The following PCDH12 variants were observed in gnomAD, a reference collection of about 807,000 sequenced individuals.
The protein encoded by PCDH12 is protocadherin-12.
In PCDH12, 45 loss-of-function variants were observed where a neutral mutation model predicts 70.9. That is an observed-to-expected ratio of 0.63 (90% CI 0.50 to 0.81). PCDH12 has a LOEUF of 0.81. Among genes scored for constraint, PCDH12 ranks in the 40% least tolerant of loss-of-function variants. The probability of loss-of-function intolerance (pLI) is 0.00; values close to 1 mark genes in which losing one functional copy is unlikely to be tolerated. For synonymous variants in PCDH12, 567 were observed against 626.0 expected (o/e 0.91, Z 1.41); for missense variants, 1,370 against 1,491.7 (o/e 0.92, Z 1.34).
At position 141,955,721 on chromosome 5, in the gene PCDH12, C is replaced by A. The variant is rs766038244; in HGVS notation, c.2131G>T (p.Ala711Ser). 6.2e-7 allele frequency: 1 copy of A among 1,613,968 alleles called. No individual in the cohort carries two copies. The highest frequency in any genetic ancestry group is 1.3e-5 in the African/African-American group (1 of 74,916). ...ACCGTCAGCATCGACATGCTCAAGG[C>A]CCCAGGCTTGCGGGCTGAGTCCCTC... ...HLRDSARKPG[A>S]LSMSMLTVIC... The change falls in exon 1 of 4, where the codon GCC becomes TCC. Residue 711 changes from alanine to serine, a missense_variant. By Grantham distance (99) the Ala-to-Ser change is moderately conservative (BLOSUM62 1). Coordinates refer to ENST00000231484, the MANE Select transcript of PCDH12 (RefSeq NM_016580.4). The surrounding 1 kb of genome is among the most constrained non-coding windows in gnomAD (Gnocchi z 5.5).
chr5:141,955,126 G>A lies in PCDH12; in HGVS notation c.2726C>T (p.Thr909Ile). The A allele has an allele frequency of 6.2e-7, 1 of 1,614,224 alleles. No individual in the cohort carries two copies. Among genetic ancestry groups the A allele is most frequent in the Non-Finnish European group, 8.5e-7 (1 of 1,180,042 alleles). Residue 909 changes from threonine (T) to isoleucine (I), a missense_variant, in exon 1 of 4, where the codon ACC (threonine) becomes ATC (isoleucine). Transcript: ENST00000231484. This position sits in a 1 kb window ranked among gnomAD's most constrained non-coding sequence, Gnocchi z 5.5. ...APQRPPASSA[T>I]LRRQRHLNGK... is the part of the protein sequence containing the mutation. Reference sequence around the variant, plus strand: ...ATTGAGATGTCGCTGCCGTCTCAGGGTTGCAGAGGAGGCTGGTGGCCTCTG... The same window carrying A: ...ATTGAGATGTCGCTGCCGTCTCAGGATTGCAGAGGAGGCTGGTGGCCTCTG...
At position 141,945,356 on chromosome 5, in the gene PCDH12, G is replaced by A. The variant is rs749668011; in HGVS notation, c.*25C>T. 5.7e-6 allele frequency: 9 copies of A among 1,571,442 alleles called. No homozygotes were observed. The South Asian group carries it at 1.1e-4, about 18-fold the overall frequency. ...ACAGATCCTCAGGCCCCTGGTTCTT[G>A]GATCCAGAGGCGTCTGAGGTATGTT... On this transcript the variant is annotated 3_prime_UTR_variant, in exon 4 of 4. Coordinates refer to ENST00000231484, the MANE Select transcript of PCDH12 (RefSeq NM_016580.4).
At position 141,955,395 on chromosome 5, in the gene PCDH12, G is replaced by A; in HGVS notation, c.2457C>T (p.Thr819=). The A allele has an allele frequency of 6.2e-7, 1 of 1,613,980 alleles. No homozygotes were observed. Among genetic ancestry groups the A allele is most frequent in the Admixed American group, 1.7e-5 (1 of 60,024 alleles). ...TACGCAGCGTCCTGTACAGGGTCGG[G>A]GTGAGGTGGAAGGGGGCCTGCAGGC... ...DPCLQAPFHL[T]PTLYRTLRNQ... is the part of the protein sequence containing the mutation. Residue 819 remains threonine (T), a synonymous_variant, in exon 1 of 4, where the codon ACC becomes ACT. Transcript: ENST00000231484. The surrounding 1 kb of genome is among the most constrained non-coding windows in gnomAD (Gnocchi z 5.5).
rs1396778466 is a variant in PCDH12, at chr5:141,957,143, A to T, written c.709T>A (p.Ser237Thr). 2 of 1,614,160 alleles carry T rather than the reference A, an allele frequency of 1.2e-6. No individual in the cohort carries two copies. The highest frequency in any genetic ancestry group is 2.2e-5 in the East Asian group (1 of 44,878). The change falls in exon 1 of 4, where the codon TCC becomes ACC. Residue 237 changes from serine to threonine, a missense_variant. Transcript: ENST00000231484. The surrounding 1 kb of genome is among the most constrained non-coding windows in gnomAD (Gnocchi z 4.3). ...GCAAACGCAGGGCTATTGTCATTGG[A>T]GTCCAAGACGTTGACCTTGACCAAG... ...TSLVKVNVLD[S>T]NDNSPAFAES...
Position 141,945,038 on chromosome 5 carries a change from C to T in PCDH12, c.*343G>A, listed in dbSNP as rs2126914052. The T allele has an allele frequency of 1.0e-5, 3 of 300,160 alleles. No individual in the cohort carries two copies. In the South Asian group the frequency reaches 1.8e-4, roughly 18 times the overall value. 18.6% of individuals were successfully genotyped at this position (300,160 alleles called of 1,614,324 possible). On this transcript the variant is annotated 3_prime_UTR_variant, in exon 4 of 4. Coordinates refer to ENST00000231484, the MANE Select transcript of PCDH12 (RefSeq NM_016580.4). ...ACCCCCAGGGTACAGCCCCCTGACT[C>T]CTGCTACCCAAGAAGGCCACCCTTT...
At position 141,955,586 on chromosome 5, in the gene PCDH12, C is replaced by T. The variant is rs758697005; in HGVS notation, c.2266G>A (p.Glu756Lys). 1.7e-5 allele frequency: 28 copies of T among 1,614,014 alleles called. No individual in the cohort carries two copies. The East Asian group carries it at 2.5e-4, about 14-fold the overall frequency. ...DNRAYNCREA[E>K]STYRQQPKRP... ...TTGGGCTGCTGGCGGTAGGTGGACT[C>T]GGCCTCCCGACAGTTGTAGGCCCTG... The change falls in exon 1 of 4, where the codon GAG (glutamate) becomes AAG (lysine). Residue 756 changes from glutamate to lysine, a missense_variant. Physicochemically the swap from Glu to Lys is moderately conservative, Grantham distance 56. Coordinates refer to ENST00000231484, the MANE Select transcript of PCDH12 (RefSeq NM_016580.4). The surrounding 1 kb of genome is among the most constrained non-coding windows in gnomAD (Gnocchi z 5.5).
chr5:141,951,403 T>G, intron 2 of PCDH12, 90 bp downstream of exon 2: 3 of 961,766 alleles, frequency 3.1e-6, no homozygotes, highest in Non-Finnish European at 1.7e-6. Context: ...GTCTGACTTG[T>G]GCTCACCCTT....
chr5:141,945,846 G>C, intron 3 of PCDH12, 41 bp from the exon 4 acceptor site: 1 of 1,577,892 alleles, frequency 6.3e-7, no homozygotes, highest in Non-Finnish European at 8.6e-7. Context: ...CCAGGCTCCG[G>C]GAAGGGCCAG....
Position 141,955,020 on chromosome 5 carries a change from G to A in PCDH12, c.2832C>T (p.Ala944=), listed in dbSNP as rs375930414. Reference sequence around the variant, plus strand: ...TGAGCTCCTCCACGGGGTTCCGCTCGGCGAAGGCAGCCACAGACAGCCGGA... The same window carrying A: ...TGAGCTCCTCCACGGGGTTCCGCTCAGCGAAGGCAGCCACAGACAGCCGGA... The part of the protein sequence containing the change: ...SLVRLSVAAF[A]ERNPVEELTV... Residue 944 remains alanine, a synonymous_variant, in exon 1 of 4, where the codon GCC becomes GCT. Coordinates refer to ENST00000231484, the MANE Select transcript of PCDH12 (RefSeq NM_016580.4). This position sits in a 1 kb window ranked among gnomAD's most constrained non-coding sequence, Gnocchi z 5.5. 2.4e-5 allele frequency: 38 copies of A among 1,614,164 alleles called. No individual in the cohort carries two copies. The highest frequency in any genetic ancestry group is 2.2e-4 in the South Asian group (20 of 91,078).
chr5:141,951,677 T>G, intron 1 of PCDH12, 87 bp from the exon 2 acceptor site: 3 of 952,550 alleles, frequency 3.1e-6, no homozygotes, highest in Admixed American at 1.8e-5. Flanking sequence ...GCCGGTGCTT[T>G]CTTTTTATAG....
At chr5:141,951,764 G>T (rs1753088188) in intron 1 of PCDH12, among the ~76,000 whole-genome samples, 174 bp from the exon 2 acceptor site, 1 of 152,164 alleles carries the variant, frequency 6.6e-6, no homozygotes, top group Admixed American at 6.5e-5. Context: ...ACCTGGGCGG[G>T]CAGGTCCCCT....
In PCDH12 at chr5:141,955,189, C is replaced by T; in HGVS notation, c.2663G>A (p.Gly888Glu). The T allele has an allele frequency of 6.2e-7, 1 of 1,614,204 alleles. No homozygotes were observed. The highest frequency in any genetic ancestry group is 8.5e-7 in the Non-Finnish European group (1 of 1,180,034). The change falls in exon 1 of 4, where the codon GGG becomes GAG. Residue 888 changes from glycine (G) to glutamate (E), a missense_variant. Physicochemically the swap from Gly to Glu is moderately conservative, Grantham distance 98. Coordinates refer to ENST00000231484, the MANE Select transcript of PCDH12 (RefSeq NM_016580.4). The surrounding 1 kb of genome is among the most constrained non-coding windows in gnomAD (Gnocchi z 5.5). Reference sequence around the variant, plus strand: ...ACTGCCCTGGTCTCCAGCCAGCCTCCCTGTGGGGCTGCCTGCAACCTTCAG... The same window carrying T: ...ACTGCCCTGGTCTCCAGCCAGCCTCTCTGTGGGGCTGCCTGCAACCTTCAG... The part of the protein sequence containing the change: ...RPLKVAGSPT[G>E]RLAGDQGSEE...
At position 141,955,141 on chromosome 5, in the gene PCDH12, G is replaced by T; in HGVS notation, c.2711C>A (p.Pro904Gln). The T allele has an allele frequency of 6.2e-7, 1 of 1,614,208 alleles. No individual in the cohort carries two copies. The highest frequency in any genetic ancestry group is 8.5e-7 in the Non-Finnish European group (1 of 1,180,026). Residue 904 changes from proline (P) to glutamine (Q), a missense_variant, in exon 1 of 4, where the codon CCA (proline) becomes CAA (glutamine). Pro to Gln is a moderately conservative substitution (Grantham distance 76, BLOSUM62 -1). Coordinates refer to ENST00000231484, the MANE Select transcript of PCDH12 (RefSeq NM_016580.4). The surrounding 1 kb of genome is among the most constrained non-coding windows in gnomAD (Gnocchi z 5.5). ...CCGTCTCAGGGTTGCAGAGGAGGCT[G>T]GTGGCCTCTGTGGGGCTTCCTCACT... ...QGSEEAPQRPPASSATLRRQR... is the reference protein window; with the variant it reads ...QGSEEAPQRPQASSATLRRQR...
rs763439771 is a variant in PCDH12, at chr5:141,956,160, C to G, written c.1692G>C (p.Glu564Asp). ...CATCGCTGAGCACAGGCTGGACCAC[C>G]TCTGGGGCATTATCATTGGCATCCA... ...SLLDANDNAP[E>D]VVQPVLSDGK... The change falls in exon 1 of 4, where the codon GAG becomes GAC. Residue 564 changes from glutamate to aspartate, a missense_variant. By Grantham distance (45) the Glu-to-Asp change is conservative. Transcript: ENST00000231484. The G allele has an allele frequency of 6.2e-7, 1 of 1,614,218 alleles. No individual in the cohort carries two copies. The highest frequency in any genetic ancestry group is 8.5e-7 in the Non-Finnish European group (1 of 1,180,050).
Position 141,951,566 on chromosome 5 carries a change from G to A in PCDH12, c.2905C>T (p.Leu969=). ...VQQISQLLSL[L]HQGQFQPKPN... is the part of the protein sequence containing the mutation. Reference sequence around the variant, plus strand: ...TTGGGCTGGAATTGGCCCTGATGCAGCAAGGACAGCAGCTGGGAGATTTGC... The same window carrying A: ...TTGGGCTGGAATTGGCCCTGATGCAACAAGGACAGCAGCTGGGAGATTTGC... Residue 969 remains leucine (L), a synonymous_variant, in exon 2 of 4, where the codon CTG becomes TTG. Transcript: ENST00000231484. The A allele has an allele frequency of 6.2e-7, 1 of 1,614,172 alleles. No individual in the cohort carries two copies. The highest frequency in any genetic ancestry group is 8.5e-7 in the Non-Finnish European group (1 of 1,179,976).
In PCDH12 at chr5:141,957,303, A is replaced by G; in HGVS notation, c.549T>C (p.Asp183=). The change falls in exon 1 of 4, where the codon GAT becomes GAC. Residue 183 remains aspartate (D), a synonymous_variant. Coordinates refer to ENST00000231484, the MANE Select transcript of PCDH12 (RefSeq NM_016580.4). This position sits in a 1 kb window ranked among gnomAD's most constrained non-coding sequence, Gnocchi z 4.3. ...TGGTCTCATCAGGGCCCACAATGACATCCAAGGCAAAGTGCTCACTGGGAG... is the reference window on the plus strand; with the variant it reads ...TGGTCTCATCAGGGCCCACAATGACGTCCAAGGCAAAGTGCTCACTGGGAG... ...TLSPSEHFAL[D]VIVGPDETKH... is the part of the protein sequence containing the mutation. 1 of 1,613,466 alleles carries G rather than the reference A, an allele frequency of 6.2e-7. No homozygotes were observed. The highest frequency in any genetic ancestry group is 2.2e-5 in the East Asian group (1 of 44,886).
chr5:141,950,546 A>G (rs1252605637), intron 2 of PCDH12, among the ~76,000 whole-genome samples: 2 of 152,150 alleles, frequency 1.3e-5, no homozygotes, highest in Non-Finnish European at 2.9e-5. Flanking sequence ...AAATGAGAAA[A>G]CCAAGACTTG....
chr5:141,955,801 G>T lies in PCDH12; in HGVS notation c.2051C>A (p.Pro684His), dbSNP rs10040926. The T allele has an allele frequency of 8.6e-5, 139 of 1,613,746 alleles. No homozygotes were observed. Among genetic ancestry groups the T allele is most frequent in the South Asian group, 6.7e-4 (61 of 91,036 alleles). The part of the protein sequence containing the change: ...EIVVEDQGSP[P>H]LQTRALLRVM... ...CCTCAACAGGGCTCGGGTCTGTAAGGGGGGGCTTCCCTGGTCCTCTACTAC... is the reference window on the plus strand; with the variant it reads ...CCTCAACAGGGCTCGGGTCTGTAAGTGGGGGCTTCCCTGGTCCTCTACTAC... The change falls in exon 1 of 4, where the codon CCC becomes CAC. Residue 684 changes from proline to histidine, a missense_variant. Transcript: ENST00000231484. This position sits in a 1 kb window ranked among gnomAD's most constrained non-coding sequence, Gnocchi z 5.5.
chr5:141,944,194 G>C lies in PCDH12; in HGVS notation c.*1187C>G, dbSNP rs1173866603. On this transcript the variant is annotated 3_prime_UTR_variant, in exon 4 of 4. Transcript: ENST00000231484. ...TGTCAGTGCCGATTTCATAGACCCA[G>C]TTCACACAGCGTCCTCTGGGATTCA... 1 of 152,220 alleles carries C rather than the reference G, an allele frequency of 6.6e-6. No individual in the cohort carries two copies. Among genetic ancestry groups the C allele is most frequent in the Non-Finnish European group, 1.5e-5 (1 of 68,056 alleles). The allele number at this position is 152,220 out of a possible 1,614,324, so 9.4% of individuals were successfully genotyped here. A position where few individuals can be genotyped will look rare whatever the true frequency, so the allele number is the denominator to read the frequency against.
Sources: allele counts gnomAD v4.1 joint callset (sites outside exome capture counted in the v4.1 genomes callset), GRCh38; gene constraint gnomAD v4.1.1; non-coding constraint Gnocchi (gnomAD v3.1); transcripts MANE v1.5; gene names NCBI Gene and HGNC (gene_info 2026-07-23, HGNC 2026-07-21).